The following SHB variants were observed in gnomAD, a reference collection of about 807,000 sequenced individuals.
SHB encodes the protein SH2 domain containing adaptor protein B, also known as SH2 domain-containing adapter protein B.
In SHB, 20 loss-of-function variants were observed where a neutral mutation model predicts 52.3. The ratio of observed to expected loss-of-function variants is 0.38; its 90% CI spans 0.27 to 0.56. The LOEUF is 0.56. Ranked by LOEUF, SHB falls within the 20% of genes least tolerant of loss-of-function variation. SHB has a pLI of 0.71. For synonymous variants in SHB, 397 were observed against 316.5 expected (o/e 1.25, Z -2.70); for missense variants, 825 against 723.3 (o/e 1.14, Z -1.61).
At chr9:37,996,201 C>T (rs934425323) in intron 2 of SHB, among the ~76,000 whole-genome samples, 1 of 152,220 alleles carries the variant, frequency 6.6e-6, no homozygotes. Flanking sequence ...GAGGAAGCCA[C>T]CAGGCCATCT....
chr9:38,068,193 G>C lies in SHB; in HGVS notation c.453C>G (p.Ser151=). The change falls in exon 1 of 6, where the codon TCC becomes TCG. Residue 151 remains serine, a synonymous_variant. Transcript: ENST00000377707. ...CASSGAGAAA[S]SSSSSGSPHL... The stretch of plus-strand genomic sequence containing the variant: ...GCGGAGAGCCGGAGGACGAGGACGA[G>C]GACGCGGCGGCCCCCGCGCCCGAGG... 1.4e-6 allele frequency: 2 copies of C among 1,408,346 alleles called. No individual in the cohort carries two copies. The highest frequency in any genetic ancestry group is 9.1e-7 in the Non-Finnish European group (1 of 1,094,548). 87.2% of individuals were successfully genotyped at this position (1,408,346 alleles called of 1,614,324 possible).
At chr9:38,012,494 CGTT>C (rs58270492) in intron 2 of SHB, among the ~76,000 whole-genome samples, 7,467 of 152,180 alleles carry the variant, frequency 0.049, 417 homozygotes, top group African/African-American at 0.14. Flanking sequence ...GCTGCCTCCC[CGTT>C]GTTGTTATCA....
At chr9:37,944,085 T>C (rs1252193985) in intron 5 of SHB, among the ~76,000 whole-genome samples, 1 of 151,728 alleles carries the variant, frequency 6.6e-6, no homozygotes, top group African/African-American at 2.4e-5. Context: ...GGTCAATGAG[T>C]TGGCGGGCAG....
At chr9:38,001,041 T>G (rs1479781048) in intron 2 of SHB, among the ~76,000 whole-genome samples, 1 of 152,232 alleles carries the variant, frequency 6.6e-6, no homozygotes, top group Non-Finnish European at 1.5e-5. Flanking sequence ...GGGGCACTGT[T>G]ACATGGCTTT....
Position 37,974,676 on chromosome 9 carries a change from C to T in SHB, c.1000G>A (p.Asp334Asn). ...CACTCCCAAGGCTGGTCGTACTCAT[C>T]GGCGGGCCTGTCGTCATCCTGGGGC... ...KLPQDDDRPA[D>N]EYDQPWEWNR... The change falls in exon 3 of 6, where the codon GAT becomes AAT. Residue 334 changes from aspartate to asparagine, a missense_variant. Asp to Asn is a conservative substitution (Grantham distance 23). Transcript: ENST00000377707. 8.1e-6 allele frequency: 13 copies of T among 1,613,910 alleles called. No homozygotes were observed. Among genetic ancestry groups the T allele is most frequent in the Non-Finnish European group, 1.1e-5 (13 of 1,179,966 alleles).
intron 2 of SHB, among the ~76,000 whole-genome samples, chr9:37,983,033 T>C (rs1036967049): frequency 1.4e-5 from 2 of 146,292 alleles, no homozygotes; most frequent in African/African-American, 2.6e-5. Context: ...ACCAACCAAC[T>C]ATCTACTGAA....
chr9:37,955,782 C>T, intron 4 of SHB, 101 bp downstream of exon 4: 2 of 1,196,402 alleles, frequency 1.7e-6, no homozygotes, highest in Non-Finnish European at 1.2e-6. Context: ...GCCACCACGC[C>T]CGGCCCAGTC....
intron 1 of SHB, among the ~76,000 whole-genome samples, chr9:38,056,696 C>T (rs1289412201): frequency 1.3e-5 from 2 of 152,202 alleles, no homozygotes; most frequent in African/African-American, 4.8e-5. Flanking sequence ...AAATAGAAAA[C>T]AATTCATTGT....
At chr9:38,012,703 G>A (rs1821155833) in intron 2 of SHB, among the ~76,000 whole-genome samples, 1 of 151,526 alleles carries the variant, frequency 6.6e-6, no homozygotes, top group Non-Finnish European at 1.5e-5. Context: ...CTTGACTCCA[G>A]CCCACGCTCC....
At chr9:37,983,497 C>A (rs565600652) in intron 2 of SHB, among the ~76,000 whole-genome samples, 21 of 152,284 alleles carry the variant, frequency 1.4e-4, no homozygotes, top group Middle Eastern at 3.4e-3. Flanking sequence ...CAGGGAGGAG[C>A]TGGGCAGGAC....
chr9:38,010,357 G>A (rs1246930897), intron 2 of SHB, among the ~76,000 whole-genome samples: 2 of 152,160 alleles, frequency 1.3e-5, no homozygotes, highest in East Asian at 3.8e-4. Flanking sequence ...AGGGCTGAAG[G>A]CCAGTGAAGA....
Position 37,993,962 on chromosome 9 carries a change from A to C in SHB, c.839-19125T>G, listed in dbSNP as rs556655459. On this transcript the variant is annotated intron_variant, in intron 2 of 5. Transcript: ENST00000377707. ...TGAGACCCAGGACGGCAATGGGTGG[A>C]ACATGGCTAGAGTCAGAAGCCTGGC... 1.8e-4 allele frequency among the ~76,000 whole-genome samples: 28 copies of C among 152,230 alleles called. 1 individual carries two copies. The highest frequency in any genetic ancestry group is 3.7e-4 in the Non-Finnish European group (25 of 68,036).
At chr9:38,035,672 A>C (rs1821478144) in intron 1 of SHB, among the ~76,000 whole-genome samples, 1 of 152,112 alleles carries the variant, frequency 6.6e-6, no homozygotes, top group South Asian at 2.1e-4. Flanking sequence ...ACCTTCCATG[A>C]GTGGATAATC....
chr9:37,944,897 G>A (rs1365051420), intron 5 of SHB, among the ~76,000 whole-genome samples: 6 of 148,748 alleles, frequency 4.0e-5, no homozygotes, highest in Non-Finnish European at 1.5e-5. Context: ...TGCCAGCTCT[G>A]GGCTCCCAAG....
chr9:37,926,097 T>G (rs1387984146), intron 5 of SHB, among the ~76,000 whole-genome samples: 2 of 152,134 alleles, frequency 1.3e-5, no homozygotes, highest in East Asian at 3.9e-4. Flanking sequence ...AATGCTAACC[T>G]GCTGTGATGT....
In SHB at chr9:37,955,983, C is replaced by A. The variant is rs751641660; in HGVS notation, c.1126G>T (p.Ala376Ser). 10 of 1,604,780 alleles carry A rather than the reference C, an allele frequency of 6.2e-6. No homozygotes were observed. The South Asian group carries it at 1.1e-4, about 18-fold the overall frequency. ...PSRDRRRQLR[A>S]PGGGFKPIKH... ...ATAGGCTTAAAGCCCCCTCCAGGGG[C>A]ACGAAGCTGGCGCCGCCGGTCCCGC... Residue 376 changes from alanine to serine, a missense_variant, in exon 4 of 6, where the codon GCC (alanine) becomes TCC (serine). By Grantham distance (99) the Ala-to-Ser change is moderately conservative. Coordinates refer to ENST00000377707, the MANE Select transcript of SHB (RefSeq NM_003028.3).
intron 1 of SHB, among the ~76,000 whole-genome samples, chr9:38,040,893 G>A (rs1821566691): frequency 6.6e-6 from 1 of 152,016 alleles, no homozygotes; most frequent in Non-Finnish European, 1.5e-5. Flanking sequence ...TGAGTGGCAA[G>A]GGAGGGTGCG....
At chr9:37,931,825 A>G (rs1252155096) in intron 5 of SHB, among the ~76,000 whole-genome samples, 1 of 152,236 alleles carries the variant, frequency 6.6e-6, no homozygotes, top group Non-Finnish European at 1.5e-5. Flanking sequence ...AACAGTCAGC[A>G]TATGAAAACA....
intron 5 of SHB, among the ~76,000 whole-genome samples, chr9:37,940,924 G>A (rs1020996572): frequency 1.3e-5 from 2 of 152,162 alleles, no homozygotes; most frequent in African/African-American, 2.4e-5. Context: ...CCTGTTGAGT[G>A]GTCATCATCT....
Sources: allele counts gnomAD v4.1 joint callset (sites outside exome capture counted in the v4.1 genomes callset), GRCh38; gene constraint gnomAD v4.1.1; transcripts MANE v1.5; gene names NCBI Gene and HGNC (gene_info 2026-07-23, HGNC 2026-07-21).